SNCG: variants seen among roughly 807,000 people sequenced by gnomAD.
The protein encoded by SNCG is gamma-synuclein.
In SNCG, 13 loss-of-function variants were observed where a neutral mutation model predicts 16.0. The ratio of observed to expected loss-of-function variants is 0.81; its 90% confidence interval spans 0.53 to 1.29. The LOEUF (loss-of-function observed/expected upper bound fraction) is 1.29. Ranked by LOEUF, SNCG falls within the 50% of genes most tolerant of loss-of-function variation. The pLI, the probability that SNCG is intolerant of heterozygous loss-of-function variation, is 0.00. For missense variants in SNCG, 154 were observed against 168.5 expected, an observed-to-expected ratio of 0.91 and a Z score of 0.48; for synonymous variants, 66 against 66.3, an observed-to-expected ratio of 1.00 and a Z score of 0.02.
chr10:86,960,190 A>G, intron 3 of SNCG, 62 bp downstream of exon 3: 2 of 1,514,302 alleles, frequency 1.3e-6, no homozygotes, highest in Admixed American at 3.6e-5. Context: ...TGCTGGGCGG[A>G]GGCGGCATCA....
Position 86,958,610 on chromosome 10 carries a change from C to T in SNCG, c.-88C>T, listed in dbSNP as rs113805468. 557 of 1,558,366 alleles carry T rather than the reference C, an allele frequency of 3.6e-4. No individual in the cohort carries two copies. In the African/African-American group the frequency reaches 6.4e-3, roughly 18 times the overall value. Reference sequence around the variant, plus strand: ...TAGGAGGCATCGGGGACAGCCGCTGCGGCAGCACTCGAGCCAGCTCAAGCC... The same window carrying T: ...TAGGAGGCATCGGGGACAGCCGCTGTGGCAGCACTCGAGCCAGCTCAAGCC... On this transcript the variant is annotated 5_prime_UTR_variant, in exon 1 of 5. Coordinates refer to ENST00000372017, the MANE Select transcript of SNCG (RefSeq NM_003087.3).
rs929076913 is a variant in SNCG, at chr10:86,959,506, G to A, written c.122-127G>A. 2.7e-5 allele frequency: 21 copies of A among 763,644 alleles called. No homozygotes were observed. Among genetic ancestry groups the A allele is most frequent in the South Asian group, 1.1e-4 (7 of 64,966 alleles). The allele number at this position is 763,644 out of a possible 1,614,324, so 47.3% of individuals were successfully genotyped here. ...GAAGAGGCCCTCTGAAGGGGCCGCCGGCCCCCAGACACCATCCTTACCCCC... is the reference window on the plus strand; with the variant it reads ...GAAGAGGCCCTCTGAAGGGGCCGCCAGCCCCCAGACACCATCCTTACCCCC... On this transcript the variant is annotated intron_variant, in intron 1 of 4. Transcript: ENST00000372017. This position sits in a 1 kb window ranked among gnomAD's most constrained non-coding sequence, Gnocchi z 4.3.
Position 86,959,433 on chromosome 10 carries a change from T to C in SNCG, c.122-200T>C. ...GGCCTGCTCTCTCTTGTCCCCCACA[T>C]TCTGTCCTGTCCCCTTCCCATCCAT... On this transcript the variant is annotated intron_variant, in intron 1 of 4. Coordinates refer to ENST00000372017, the MANE Select transcript of SNCG (RefSeq NM_003087.3). The surrounding 1 kb of genome is among the most constrained non-coding windows in gnomAD (Gnocchi z 4.3). 1 of 604,294 alleles carries C rather than the reference T, an allele frequency of 1.7e-6. No homozygotes were observed. The highest frequency in any genetic ancestry group is 1.9e-5 in the South Asian group (1 of 51,398). The allele number at this position is 604,294 out of a possible 1,614,324, so 37.4% of individuals were successfully genotyped here. A position where few individuals can be genotyped will look rare whatever the true frequency, so the allele number is the denominator to read the frequency against.
Position 86,963,039 on chromosome 10 carries a change from C to T in SNCG, c.*54C>T, listed in dbSNP as rs905254130. ...AAGAGCGCTCCTCTGCCTTGGACACCATCCCCTCCTAGCACAAGGAGTGCC... is the reference window on the plus strand; with the variant it reads ...AAGAGCGCTCCTCTGCCTTGGACACTATCCCCTCCTAGCACAAGGAGTGCC... On this transcript the variant is annotated 3_prime_UTR_variant, in exon 5 of 5. Transcript: ENST00000372017. The T allele has an allele frequency of 1.9e-5, 29 of 1,550,498 alleles. No homozygotes were observed. The Admixed American group carries it at 4.6e-4, about 25-fold the overall frequency.
chr10:86,958,833 G>A lies in SNCG; in HGVS notation c.121+15G>A, dbSNP rs1321738148. On this transcript the variant is annotated intron_variant, in intron 1 of 4. Transcript: ENST00000372017. Reference sequence around the variant, plus strand: ...CATGTATGTGGGTAAGTGGGGCATGGCAGGGTGGGACAGTGTGGTGGCCAA... The same window carrying A: ...CATGTATGTGGGTAAGTGGGGCATGACAGGGTGGGACAGTGTGGTGGCCAA... The A allele has an allele frequency of 6.3e-7, 1 of 1,595,260 alleles. No individual in the cohort carries two copies. The highest frequency in any genetic ancestry group is 1.1e-5 in the South Asian group (1 of 87,046).
chr10:86,960,239 G>A (rs998200857), intron 3 of SNCG, 111 bp downstream of exon 3: 74 of 1,113,408 alleles, frequency 6.6e-5, no homozygotes, highest in Non-Finnish European at 8.3e-5. Flanking sequence ...GGGGGGCTGC[G>A]GCTGGCTTCA....
Position 86,958,611 on chromosome 10 carries a change from G to T in SNCG, c.-87G>T, listed in dbSNP as rs182363578. On this transcript the variant is annotated 5_prime_UTR_variant, in exon 1 of 5. Transcript: ENST00000372017. ...AGGAGGCATCGGGGACAGCCGCTGC[G>T]GCAGCACTCGAGCCAGCTCAAGCCC... 6.3e-7 allele frequency: 1 copy of T among 1,582,548 alleles called. No homozygotes were observed. Among genetic ancestry groups the T allele is most frequent in the Non-Finnish European group, 8.6e-7 (1 of 1,165,530 alleles).
upstream of SNCG, chr10:86,957,675 G>A (rs1844258755): frequency 7.3e-6 from 10 of 1,365,856 alleles, no homozygotes; most frequent in Non-Finnish European, 7.8e-6. Context: ...AAGTGGCCTG[G>A]GCCGGCCTAC....
At chr10:86,958,571 T>A, upstream of SNCG, 4 of 1,443,624 alleles carry the variant, frequency 2.8e-6, no homozygotes, top group Non-Finnish European at 3.7e-6. Context: ...GCATCAATAT[T>A]TCATCGGCGT....
At chr10:86,960,893 C>T (rs866599208) in intron 3 of SNCG, among the ~76,000 whole-genome samples, 5 of 152,180 alleles carry the variant, frequency 3.3e-5, no homozygotes, top group African/African-American at 1.2e-4. Flanking sequence ...ATCCATGAGA[C>T]GGTGTGGAAA....
rs764539293 is a variant in SNCG at position 86,962,625 on chromosome 10, C to T, written c.313C>T (p.Pro105Ser). 1.9e-6 allele frequency: 3 copies of T among 1,612,696 alleles called. No homozygotes were observed. The highest frequency in any genetic ancestry group is 1.1e-5 in the South Asian group (1 of 90,706). The change falls in exon 4 of 5, where the codon CCC (proline) becomes TCC (serine). Residue 105 changes from proline to serine, a missense_variant. Physicochemically the swap from Pro to Ser is moderately conservative, Grantham distance 74 (BLOSUM62 -1). Coordinates refer to ENST00000372017, the MANE Select transcript of SNCG (RefSeq NM_003087.3). ...VRKEDLRPSA[P>S]QQEGEASKEK... Reference sequence around the variant, plus strand: ...ACAGGAGGACTTGAGGCCATCTGCCCCCCAACAGGAGGGTGAGGCATCCAA... The same window carrying T: ...ACAGGAGGACTTGAGGCCATCTGCCTCCCAACAGGAGGGTGAGGCATCCAA...
intron 4 of SNCG, 115 bp from the exon 5 acceptor site, chr10:86,962,850 C>G: frequency 7.7e-7 from 1 of 1,295,410 alleles, no homozygotes; most frequent in Non-Finnish European, 1.1e-6. Flanking sequence ...GGGAGGTCCC[C>G]CCACGGATGA....
Position 86,959,501 on chromosome 10 carries a change from C to T in SNCG, c.122-132C>T, listed in dbSNP as rs1844300776. ...AGCAGGAAGAGGCCCTCTGAAGGGG[C>T]CGCCGGCCCCCAGACACCATCCTTA... is the stretch of plus-strand genomic sequence containing the variant. On this transcript the variant is annotated intron_variant, in intron 1 of 4. Transcript: ENST00000372017. The surrounding 1 kb of genome is among the most constrained non-coding windows in gnomAD (Gnocchi z 4.3). The T allele has an allele frequency of 2.7e-6, 2 of 739,674 alleles. No homozygotes were observed. Among genetic ancestry groups the T allele is most frequent in the Non-Finnish European group, 4.7e-6 (2 of 421,786 alleles). 45.8% of individuals were successfully genotyped at this position (739,674 alleles called of 1,614,324 possible).
rs759143131 is a variant in SNCG at position 86,959,113 on chromosome 10, G to A, written c.121+295G>A. Among the ~76,000 whole-genome samples, 1 of 152,138 alleles carries A rather than the reference G, an allele frequency of 6.6e-6. No homozygotes were observed. ...AGCATACCAGCCTCCCCTGAGCCTG[G>A]AGCCCCTGAAGCCATGAGCAGCCTG... On this transcript the variant is annotated intron_variant, in intron 1 of 4. Transcript: ENST00000372017. The surrounding 1 kb of genome is among the most constrained non-coding windows in gnomAD (Gnocchi z 4.3).
In SNCG at chr10:86,963,172, C is replaced by A. The variant is rs1299934793; in HGVS notation, c.*187C>A. 4 of 479,704 alleles carry A rather than the reference C, an allele frequency of 8.3e-6. No homozygotes were observed. Among genetic ancestry groups the A allele is most frequent in the African/African-American group, 5.9e-5 (3 of 50,544 alleles). 29.7% of individuals were successfully genotyped at this position (479,704 alleles called of 1,614,324 possible). On this transcript the variant is annotated 3_prime_UTR_variant, in exon 5 of 5. Transcript: ENST00000372017. The stretch of plus-strand genomic sequence containing the variant: ...CAACCTCACTGCCCTCCCTCGGCCC[C>A]ACCCACCCTCTGGTCCTTCTGACCC...
chr10:86,960,918 G>C (rs941421197), intron 3 of SNCG, among the ~76,000 whole-genome samples: 1 of 152,228 alleles, frequency 6.6e-6, no homozygotes, highest in Non-Finnish European at 1.5e-5. Flanking sequence ...GGCCCAGAGA[G>C]ATTAATGTGC....
chr10:86,957,646 C>A, upstream of SNCG: 3 of 1,433,980 alleles, frequency 2.1e-6, no homozygotes, highest in Non-Finnish European at 2.8e-6. Flanking sequence ...AAAGAAAATA[C>A]GAGGACAACA....
chr10:86,958,773 G>A lies in SNCG; in HGVS notation c.76G>A (p.Val26Met). The A allele has an allele frequency of 6.2e-7, 1 of 1,613,498 alleles. No individual in the cohort carries two copies. The highest frequency in any genetic ancestry group is 8.5e-7 in the Non-Finnish European group (1 of 1,179,686). Residue 26 changes from valine to methionine, a missense_variant, in exon 1 of 5, where the codon GTG (valine) becomes ATG (methionine). Val to Met is a conservative substitution (Grantham distance 21). Transcript: ENST00000372017. ...TGCGGTGGAAAAGACCAAGCAGGGG[G>A]TGACGGAAGCAGCTGAGAAGACCAA... ...VGAVEKTKQG[V>M]TEAAEKTKEG...
At chr10:86,957,759 C>T (rs1464943814), upstream of SNCG, 2 of 1,363,786 alleles carry the variant, frequency 1.5e-6, no homozygotes, top group Admixed American at 3.3e-5. Flanking sequence ...AAGCCAGTTC[C>T]TGTCCCTGAG....
Sources: gnomAD v4.1 joint callset for allele counts (sites outside exome capture counted in the v4.1 genomes callset) on GRCh38, gnomAD v4.1.1 for gene constraint, Gnocchi (gnomAD v3.1) non-coding constraint, MANE v1.5 for transcripts, NCBI Gene and HGNC (gene_info 2026-07-23, HGNC 2026-07-21) for gene names.